Variants in RBMS1 observed in about 807,000 individuals in gnomAD.
RBMS1 encodes the protein RNA binding motif single stranded interacting protein 1, also known as RNA-binding motif, single-stranded-interacting protein 1.
In RBMS1, 17 loss-of-function variants were observed where a neutral mutation model predicts 62.3. The ratio of observed to expected loss-of-function variants is 0.27; its 90% CI spans 0.19 to 0.41. The LOEUF (loss-of-function observed/expected upper bound fraction) is 0.41. Ranked by LOEUF, RBMS1 falls within the 10% of genes least tolerant of loss-of-function variation. The pLI is 1.00. For missense variants in RBMS1, 334 were observed against 504.5 expected (o/e 0.66, Z 3.24); for synonymous variants, 172 against 170.0 (o/e 1.01, Z -0.09).
intron 1 of RBMS1, among the ~76,000 whole-genome samples, chr2:160,399,149 G>T (rs969520082): frequency 2.0e-5 from 3 of 152,136 alleles, no homozygotes; most frequent in Non-Finnish European, 4.4e-5. Context: ...CGCCTTCCAT[G>T]ATGCAACCAA....
At chr2:160,413,830 A>G (rs1696116462) in intron 1 of RBMS1, among the ~76,000 whole-genome samples, 1 of 152,210 alleles carries the variant, frequency 6.6e-6, no homozygotes. Flanking sequence ...CATTTTACCA[A>G]AGAGAAAACT....
At chr2:160,285,641 A>G (rs1688345045) in intron 7 of RBMS1, among the ~76,000 whole-genome samples, 1 of 150,768 alleles carries the variant, frequency 6.6e-6, no homozygotes, top group Non-Finnish European at 1.5e-5. Context: ...GTTTTAATTA[A>G]AAAAAAAACT....
At chr2:160,414,746 G>A (rs934073563) in intron 1 of RBMS1, among the ~76,000 whole-genome samples, 11 of 151,544 alleles carry the variant, frequency 7.3e-5, no homozygotes, top group African/African-American at 1.7e-4. Flanking sequence ...TAAAAAAATC[G>A]TTGAGTTAGC....
At chr2:160,295,947 G>A (rs542302686) in intron 6 of RBMS1, among the ~76,000 whole-genome samples, 21 of 152,202 alleles carry the variant, frequency 1.4e-4, no homozygotes, top group Non-Finnish European at 2.6e-4. Context: ...AAGCAAAGAG[G>A]TCACAAGTAG....
chr2:160,486,008 G>A (rs1049609400), intron 1 of RBMS1, among the ~76,000 whole-genome samples: 11 of 152,040 alleles, frequency 7.2e-5, no homozygotes, highest in Admixed American at 5.2e-4. Context: ...TAAAGTTGAC[G>A]ATATTACAAA....
intron 6 of RBMS1, among the ~76,000 whole-genome samples, chr2:160,296,532 A>G (rs1367918287): frequency 6.6e-6 from 1 of 152,228 alleles, no homozygotes; most frequent in Admixed American, 6.5e-5. Context: ...ACGGCGGAAT[A>G]AATACTAAAC....
chr2:160,371,341 T>C (rs1303573897), intron 1 of RBMS1, among the ~76,000 whole-genome samples: 1 of 152,162 alleles, frequency 6.6e-6, no homozygotes, highest in African/African-American at 2.4e-5. Context: ...CCTTGGAACG[T>C]GAAAAGACCC....
At chr2:160,484,485 C>T (rs1195062031) in intron 1 of RBMS1, among the ~76,000 whole-genome samples, 6 of 146,670 alleles carry the variant, frequency 4.1e-5, no homozygotes, top group African/African-American at 1.3e-4. Context: ...ACAGAGCGAG[C>T]GAGACTCCGT....
At chr2:160,485,681 A>C (rs113560727) in intron 1 of RBMS1, among the ~76,000 whole-genome samples, 4,480 of 151,854 alleles carry the variant, frequency 0.03, 97 homozygotes, top group Non-Finnish European at 0.047. Flanking sequence ...GCATGAGAAA[A>C]ACATCATCTA....
At chr2:160,316,476 A>C (rs558997029) in intron 3 of RBMS1, among the ~76,000 whole-genome samples, 2 of 152,294 alleles carry the variant, frequency 1.3e-5, no homozygotes, top group East Asian at 1.9e-4. Flanking sequence ...GAAGTCCATA[A>C]ATCTCTCTAC....
intron 1 of RBMS1, among the ~76,000 whole-genome samples, chr2:160,383,373 A>C (rs1285516978): frequency 1.3e-5 from 2 of 148,496 alleles, no homozygotes; most frequent in Non-Finnish European, 3.0e-5. Flanking sequence ...ATCCTTAATT[A>C]ATTCTACCTG....
At chr2:160,476,038 TG>T (rs1685113353) in intron 1 of RBMS1, among the ~76,000 whole-genome samples, 1 of 152,024 alleles carries the variant, frequency 6.6e-6, no homozygotes, top group Admixed American at 6.5e-5. Flanking sequence ...TGTATTTTTT[TG>T]TAGAGATGGG....
chr2:160,418,845 C>T (rs1696305597), intron 1 of RBMS1, among the ~76,000 whole-genome samples: 1 of 152,126 alleles, frequency 6.6e-6, no homozygotes, highest in Admixed American at 6.5e-5. Context: ...GAATTATTAA[C>T]ATACCAAACT....
At chr2:160,353,867 A>G (rs1692653011) in intron 2 of RBMS1, among the ~76,000 whole-genome samples, 1 of 152,124 alleles carries the variant, frequency 6.6e-6, no homozygotes. Flanking sequence ...AATACATGCC[A>G]AAAGTGTTCA....
chr2:160,466,323 C>T (rs1274633699), intron 1 of RBMS1, among the ~76,000 whole-genome samples: 2 of 151,952 alleles, frequency 1.3e-5, no homozygotes, highest in African/African-American at 2.4e-5. Context: ...CTAGAGATTC[C>T]TCTGAATATA....
chr2:160,274,169 T>C lies in RBMS1; in HGVS notation c.*603A>G, dbSNP rs1176597166. The C allele has an allele frequency of 2.0e-5, 3 of 152,536 alleles. No individual in the cohort carries two copies. Among genetic ancestry groups the C allele is most frequent in the African/African-American group, 4.8e-5 (2 of 41,406 alleles). The allele number at this position is 152,536 out of a possible 1,614,324, so 9.4% of individuals were successfully genotyped here. A position where few individuals can be genotyped will look rare whatever the true frequency, so the allele number is the denominator to read the frequency against. ...ACAGCATCAAAAGAGTTAAGGCAAATTGGAATTCATAGAAAAGGATAAGAC... is the reference window on the plus strand; with the variant it reads ...ACAGCATCAAAAGAGTTAAGGCAAACTGGAATTCATAGAAAAGGATAAGAC... On this transcript the variant is annotated 3_prime_UTR_variant, in exon 14 of 14. Transcript: ENST00000348849.
chr2:160,493,122 C>A (rs1045622703), intron 1 of RBMS1, among the ~76,000 whole-genome samples, 167 bp downstream of exon 1: 4 of 152,142 alleles, frequency 2.6e-5, no homozygotes, highest in East Asian at 3.9e-4. Context: ...GCCGCCGCCC[C>A]GCGCGCCGCC....
chr2:160,299,877 T>C (rs1689123230), intron 6 of RBMS1, among the ~76,000 whole-genome samples: 1 of 152,142 alleles, frequency 6.6e-6, no homozygotes, highest in Non-Finnish European at 1.5e-5. Context: ...TGCTGAGCAA[T>C]TGATTAAGCT....
At chr2:160,406,480 T>C (rs1462235522) in intron 1 of RBMS1, among the ~76,000 whole-genome samples, 1 of 152,214 alleles carries the variant, frequency 6.6e-6, no homozygotes, top group East Asian at 1.9e-4. Flanking sequence ...ACTTAATTGA[T>C]TTGTCTCAGT....
Sources: gnomAD v4.1 joint callset for allele counts (sites outside exome capture counted in the v4.1 genomes callset) on GRCh38, gnomAD v4.1.1 for gene constraint, MANE v1.5 for transcripts, NCBI Gene and HGNC (gene_info 2026-07-23, HGNC 2026-07-21) for gene names.